PRDM1: variants seen among roughly 807,000 people sequenced by gnomAD.
PRDM1 encodes the protein PR/SET domain 1.
Under a neutral mutation model 62.8 loss-of-function variants are expected in PRDM1, and 13 were observed. That is an observed-to-expected ratio of 0.21 (90% CI 0.13 to 0.33). The LOEUF (loss-of-function observed/expected upper bound fraction) is 0.33. PRDM1 is among the 10% of genes least tolerant of loss of function. The pLI is 1.00. For synonymous variants in PRDM1, 396 were observed against 417.6 expected (o/e 0.95, Z 0.63); for missense variants, 895 against 1,058.8 (o/e 0.85, Z 2.15).
intron 1 of PRDM1, among the ~76,000 whole-genome samples, chr6:106,009,410 A>G (rs1219338106): frequency 6.6e-6 from 1 of 152,128 alleles, no homozygotes; most frequent in Non-Finnish European, 1.5e-5. Context: ...AAGGTTTTAA[A>G]TTTACTTGGG....
In PRDM1 at chr6:106,088,301, T is replaced by G; in HGVS notation, c.143T>G (p.Leu48Arg). ...KMDMEDADMT[L>R]WTEAEFEEKC... Reference sequence around the variant, plus strand: ...GACATGGAGGATGCGGATATGACTCTGTGGACAGAGGCTGAGTTTGAAGAG... The same window carrying G: ...GACATGGAGGATGCGGATATGACTCGGTGGACAGAGGCTGAGTTTGAAGAG... Residue 48 changes from leucine to arginine, a missense_variant, in exon 2 of 7, where the codon CTG (leucine) becomes CGG (arginine). Transcript: ENST00000369096. 1 of 1,614,134 alleles carries G rather than the reference T, an allele frequency of 6.2e-7. No homozygotes were observed. The highest frequency in any genetic ancestry group is 8.5e-7 in the Non-Finnish European group (1 of 1,180,030).
chr6:106,014,058 ATTT>A lies in PRDM1; in HGVS notation c.-67+20440_-67+20442del, dbSNP rs71006664. Reference sequence around the variant, plus strand: ...AATGCTAACTCTATGAGGACAAGGAATTTTTTTTTTTTTTTTTTTTTTTGAGAC... The same window carrying A: ...AATGCTAACTCTATGAGGACAAGGAATTTTTTTTTTTTTTTTTTTTGAGAC... On this transcript the variant is annotated intron_variant, in intron 1 of 6. Transcript: ENST00000652320. 9.3e-3 allele frequency among the ~76,000 whole-genome samples: 980 copies of A among 105,086 alleles called. 2 individuals carry two copies. Among genetic ancestry groups the A allele is most frequent in the African/African-American group, 0.033 (886 of 27,208 alleles). The allele number at this position is 105,086 out of a possible 152,430, so 68.9% of individuals were successfully genotyped here. A position where few individuals can be genotyped will look rare whatever the true frequency, so the allele number is the denominator to read the frequency against.
At chr6:106,034,204 T>C (rs1245096320) in intron 1 of PRDM1, among the ~76,000 whole-genome samples, 1 of 152,112 alleles carries the variant, frequency 6.6e-6, no homozygotes, top group Non-Finnish European at 1.5e-5. Flanking sequence ...TAAGAACTAG[T>C]GTTTTTGGTC....
In PRDM1 at chr6:106,109,091, CAAAAAAAAA is replaced by C. The variant is rs36077280; in HGVS notation, c.*1619_*1627del. On this transcript the variant is annotated 3_prime_UTR_variant, in exon 7 of 7. Coordinates refer to ENST00000369096, the MANE Select transcript of PRDM1 (RefSeq NM_001198.4). Reference sequence around the variant, plus strand: ...GTAAAAGATCTACTTTTTCTAAGGGCAAAAAAAAAAAAAAAAAAAAAAGAACACTCCTTT... The same window carrying C: ...GTAAAAGATCTACTTTTTCTAAGGGCAAAAAAAAAAAAAGAACACTCCTTT... The C allele has an allele frequency of 1.9e-4, 23 of 121,802 alleles. No homozygotes were observed. The highest frequency in any genetic ancestry group is 1.7e-3 in the East Asian group (13 of 7,706). The allele number at this position is 121,802 out of a possible 1,614,324, so 7.5% of individuals were successfully genotyped here. A position where few individuals can be genotyped will look rare whatever the true frequency, so the allele number is the denominator to read the frequency against.
chr6:106,103,189 G>T (rs561509432), intron 4 of PRDM1, among the ~76,000 whole-genome samples: 1 of 152,160 alleles, frequency 6.6e-6, no homozygotes, highest in South Asian at 2.1e-4. Context: ...GGGGCTTCAG[G>T]CTCGCCCAGG....
At chr6:106,056,169 C>T (rs947870048) in intron 1 of PRDM1, among the ~76,000 whole-genome samples, 13 of 152,094 alleles carry the variant, frequency 8.5e-5, no homozygotes, top group African/African-American at 3.1e-4. Context: ...CACAAACTTC[C>T]CTTACCCAGT....
At position 106,107,979 on chromosome 6, in the gene PRDM1, C is replaced by T. The variant is rs1227318299; in HGVS notation, c.*493C>T. 4.3e-6 allele frequency: 1 copy of T among 232,508 alleles called. No homozygotes were observed. The highest frequency in any genetic ancestry group is 2.2e-5 in the African/African-American group (1 of 45,264). The allele number at this position is 232,508 out of a possible 1,614,324, so 14.4% of individuals were successfully genotyped here. On this transcript the variant is annotated 3_prime_UTR_variant, in exon 7 of 7. Transcript: ENST00000369096. ...CCATTCTTTGTAGATAATTTCTGCA[C>T]ATCTGTATAAGTACCTAAGATTTAG...
At chr6:106,068,624 G>A (rs749785962) in intron 1 of PRDM1, among the ~76,000 whole-genome samples, 6 of 152,314 alleles carry the variant, frequency 3.9e-5, no homozygotes, top group Admixed American at 1.3e-4. Context: ...ACATGGGAAC[G>A]TTGTTACCAC....
chr6:106,021,774 C>T (rs1772699082), intron 1 of PRDM1, among the ~76,000 whole-genome samples: 1 of 152,200 alleles, frequency 6.6e-6, no homozygotes. Context: ...GCACGCGCCA[C>T]CACGCCCGGC....
chr6:106,094,662 G>A (rs949297044), intron 2 of PRDM1, among the ~76,000 whole-genome samples: 1 of 152,138 alleles, frequency 6.6e-6, no homozygotes, highest in African/African-American at 2.4e-5. Context: ...CAGCACTTTG[G>A]GAGGCCGAGG....
upstream of PRDM1, among the ~76,000 whole-genome samples, chr6:105,993,291 C>CA (rs1254088031): frequency 6.6e-6 from 1 of 152,178 alleles, no homozygotes; most frequent in Admixed American, 6.5e-5. Flanking sequence ...GTTTGATCCC[C>CA]AAAATCCACC....
intron 1 of PRDM1, among the ~76,000 whole-genome samples, chr6:106,055,205 G>C (rs1168253231): frequency 6.6e-6 from 1 of 152,190 alleles, no homozygotes; most frequent in Non-Finnish European, 1.5e-5. Flanking sequence ...AGGATACTGG[G>C]CAGGGTCCTT....
chr6:106,102,942 C>T (rs1356658628), intron 4 of PRDM1, among the ~76,000 whole-genome samples: 1 of 152,132 alleles, frequency 6.6e-6, no homozygotes, highest in Non-Finnish European at 1.5e-5. Flanking sequence ...GATGCCTTGC[C>T]TATCAGTTTT....
At chr6:106,029,356 A>G (rs893861091) in intron 1 of PRDM1, among the ~76,000 whole-genome samples, 1 of 152,236 alleles carries the variant, frequency 6.6e-6, no homozygotes, top group Non-Finnish European at 1.5e-5. Flanking sequence ...GTGAATATCC[A>G]GTTGGTCCAG....
Position 106,088,226 on chromosome 6 carries a change from CTG to C in PRDM1, c.71_72del (p.Val24GlufsTer29). 6.2e-7 allele frequency: 1 copy of C among 1,613,340 alleles called. No individual in the cohort carries two copies. The highest frequency in any genetic ancestry group is 8.5e-7 in the Non-Finnish European group (1 of 1,179,694). On this transcript the variant is annotated frameshift_variant, in exon 2 of 7. Transcript: ENST00000369096. LOFTEE classifies it high-confidence loss of function. ...GCTGCCCCCAAGTGTAACTCCAGCA[CTG>C]TGAGGTTTCAGGGATTGGCAGAGGG...
At chr6:106,098,765 T>A in intron 3 of PRDM1, 2 of 1,469,476 alleles carry the variant, frequency 1.4e-6, no homozygotes, top group Non-Finnish European at 1.8e-6. Context: ...ACTTTAGGAC[T>A]TGGAGGGTTG....
chr6:106,090,578 T>C (rs535528473), intron 2 of PRDM1, among the ~76,000 whole-genome samples: 2 of 152,354 alleles, frequency 1.3e-5, no homozygotes, highest in South Asian at 4.1e-4. Context: ...TGAAAGAGGA[T>C]GGTGGAGTTG....
intron 1 of PRDM1, among the ~76,000 whole-genome samples, chr6:105,998,911 ATATATATATATATATATATATATTTTT>A (rs1368564984): frequency 0.24 from 13,875 of 57,670 alleles, 813 homozygotes; most frequent in African/African-American, 0.36. Context: ...ATATATATAT[ATATATATATATATATATATATATTTTT>A]TTTTTTTTTT....
chr6:106,035,551 C>T (rs1030312095), intron 1 of PRDM1, among the ~76,000 whole-genome samples: 11 of 152,088 alleles, frequency 7.2e-5, no homozygotes, highest in Admixed American at 1.3e-4. Context: ...ATAGCTTGAG[C>T]CTGGGACGTC....
Sources: allele counts gnomAD v4.1 joint callset (sites outside exome capture counted in the v4.1 genomes callset), GRCh38; gene constraint gnomAD v4.1.1; transcripts MANE v1.5; gene names NCBI Gene and HGNC (gene_info 2026-07-23, HGNC 2026-07-21).